The following ROCK1 variants were observed in gnomAD, a reference collection of about 807,000 sequenced individuals.
ROCK1 encodes the protein Rho associated coiled-coil containing protein kinase 1.
In ROCK1, 36 loss-of-function variants were observed where a neutral mutation model predicts 196.8. The observed-to-expected ratio is 0.18, with a 90% CI of 0.14 to 0.24. ROCK1 has a LOEUF of 0.24. Among genes scored for constraint, ROCK1 ranks in the 10% least tolerant of loss-of-function variants. The probability of loss-of-function intolerance (pLI) is 1.00; values close to 1 mark genes in which losing one functional copy is unlikely to be tolerated. For missense variants in ROCK1, 920 were observed against 1,562.0 expected, an observed-to-expected ratio of 0.59 and a Z score of 6.93; for synonymous variants, 443 against 515.9, an observed-to-expected ratio of 0.86 and a Z score of 1.91.
At position 20,958,895 on chromosome 18, in the gene ROCK1, ATT is replaced by A. The variant is rs1459494435; in HGVS notation, c.3512+943_3512+944del. ...ATTATATATATAAATATATATATTT[ATT>A]TATATATATATATTTTATATATTTT... On this transcript the variant is annotated intron_variant, in intron 29 of 32. Transcript: ENST00000399799. 3.7e-3 allele frequency among the ~76,000 whole-genome samples: 258 copies of A among 69,380 alleles called. 1 individual carries two copies. Among genetic ancestry groups the A allele is most frequent in the African/African-American group, 0.014 (238 of 17,310 alleles). 45.5% of individuals were successfully genotyped at this position (69,380 alleles called of 152,430 possible). A position where few individuals can be genotyped will look rare whatever the true frequency, so the allele number is the denominator to read the frequency against.
intron 1 of ROCK1, among the ~76,000 whole-genome samples, chr18:21,101,809 T>C (rs929674645): frequency 1.7e-4 from 26 of 151,300 alleles, no homozygotes; most frequent in African/African-American, 5.8e-4. Flanking sequence ...GAATTAATGA[T>C]ACCAAAGCAC....
chr18:21,069,371 T>C (rs1018182452), intron 2 of ROCK1, among the ~76,000 whole-genome samples: 6 of 152,048 alleles, frequency 3.9e-5, no homozygotes, highest in African/African-American at 1.2e-4. Context: ...TTCTCTGCAT[T>C]TTTCTCCAAT....
At chr18:21,079,658 T>C (rs1055201126) in intron 1 of ROCK1, among the ~76,000 whole-genome samples, 2 of 152,156 alleles carry the variant, frequency 1.3e-5, no homozygotes, top group African/African-American at 4.8e-5. Flanking sequence ...TGTCTTAGAT[T>C]GCTCCTCTGG....
chr18:21,021,520 A>C (rs2035912726), intron 11 of ROCK1, among the ~76,000 whole-genome samples: 1 of 152,232 alleles, frequency 6.6e-6, no homozygotes, highest in African/African-American at 2.4e-5. Flanking sequence ...AGAAGTAGGA[A>C]GCAGTCAGTG....
At chr18:21,041,473 A>G (rs542058970) in intron 8 of ROCK1, among the ~76,000 whole-genome samples, 1 of 152,154 alleles carries the variant, frequency 6.6e-6, no homozygotes, top group South Asian at 2.1e-4. Flanking sequence ...TCAAATTTCA[A>G]AAGTAAACCA....
At chr18:21,110,340 T>C (rs1056405876) in intron 1 of ROCK1, among the ~76,000 whole-genome samples, 1 of 152,178 alleles carries the variant, frequency 6.6e-6, no homozygotes, top group Non-Finnish European at 1.5e-5. Flanking sequence ...CAAAAATCAC[T>C]TCCTCAATAG....
At chr18:21,093,156 T>C (rs2036585045) in intron 1 of ROCK1, among the ~76,000 whole-genome samples, 1 of 152,208 alleles carries the variant, frequency 6.6e-6, no homozygotes, top group East Asian at 1.9e-4. Flanking sequence ...GAGATTCTAT[T>C]TGAAGGTAAG....
intron 1 of ROCK1, among the ~76,000 whole-genome samples, chr18:21,075,010 T>C (rs1349694784): frequency 6.6e-6 from 1 of 151,980 alleles, no homozygotes. Context: ...GAGAAGGAGA[T>C]GAAGGAGAAG....
At chr18:21,089,145 GTTCCCCTGGTTCAAGAAA>G (rs1484097048) in intron 1 of ROCK1, among the ~76,000 whole-genome samples, 1 of 151,944 alleles carries the variant, frequency 6.6e-6, no homozygotes, top group Non-Finnish European at 1.5e-5. Context: ...GGTTCAAGAA[GTTCCCCTGGTTCAAGAAA>G]TTCCCCTGCC....
At chr18:21,009,895 G>T (rs956256455) in intron 13 of ROCK1, among the ~76,000 whole-genome samples, 11 of 151,908 alleles carry the variant, frequency 7.2e-5, no homozygotes, top group African/African-American at 2.4e-4. Context: ...ACTTATATAG[G>T]GCTACTGAAA....
chr18:21,029,611 A>G (rs1362564925), intron 9 of ROCK1, among the ~76,000 whole-genome samples: 2 of 152,176 alleles, frequency 1.3e-5, no homozygotes, highest in African/African-American at 4.8e-5. Flanking sequence ...AGTAATATAA[A>G]AAATGGATAT....
Position 21,015,374 on chromosome 18 carries a change from C to T in ROCK1, c.1410+57G>A. 4.3e-6 allele frequency: 5 copies of T among 1,155,488 alleles called. No individual in the cohort carries two copies. In the South Asian group the frequency reaches 6.5e-5, roughly 15 times the overall value. 71.6% of individuals were successfully genotyped at this position (1,155,488 alleles called of 1,614,324 possible). A position where few individuals can be genotyped will look rare whatever the true frequency, so the allele number is the denominator to read the frequency against. On this transcript the variant is annotated intron_variant, in intron 13 of 32. Transcript: ENST00000399799. ...AATACAATTTTCTCAGGAAACGAAA[C>T]AATTTGAAAGAGGGAAAAATCTCAA...
At chr18:20,959,501 C>A (rs1342535008) in intron 29 of ROCK1, among the ~76,000 whole-genome samples, 31 of 150,536 alleles carry the variant, frequency 2.1e-4, no homozygotes, top group African/African-American at 7.6e-4. Context: ...TGTGAGTCAC[C>A]GCACCCGGCC....
rs111338701 is a variant in ROCK1 at position 20,948,691 on chromosome 18, TAG to T, written c.*2691_*2692del. 2 of 150,844 alleles carry T rather than the reference TAG, an allele frequency of 1.3e-5. No homozygotes were observed. Among genetic ancestry groups the T allele is most frequent in the African/African-American group, 4.9e-5 (2 of 40,586 alleles). 9.3% of individuals were successfully genotyped at this position (150,844 alleles called of 1,614,324 possible). On this transcript the variant is annotated 3_prime_UTR_variant, in exon 33 of 33. Coordinates refer to ENST00000399799, the MANE Select transcript of ROCK1 (RefSeq NM_005406.3). Reference sequence around the variant, plus strand: ...CCTAGTGTGTCCTCCTGTAACAAATTAGAGAGAAAGCTAGAGGCTATATTTCT... The same window carrying T: ...CCTAGTGTGTCCTCCTGTAACAAATTAGAGAAAGCTAGAGGCTATATTTCT...
intron 4 of ROCK1, among the ~76,000 whole-genome samples, chr18:21,045,942 G>T (rs1276799946): frequency 2.7e-5 from 3 of 112,856 alleles, no homozygotes; most frequent in Admixed American, 2.7e-4. Context: ...ACGGAGTCTC[G>T]CTCTGTCGCC....
intron 22 of ROCK1, among the ~76,000 whole-genome samples, chr18:20,971,345 T>TACATACAC (rs1568371122): frequency 1.4e-5 from 2 of 147,544 alleles, no homozygotes; most frequent in East Asian, 2.0e-4. Flanking sequence ...CACACACACA[T>TACATACAC]ACACACAGAA....
chr18:21,096,332 C>G (rs2036612897), intron 1 of ROCK1, among the ~76,000 whole-genome samples: 5 of 152,068 alleles, frequency 3.3e-5, no homozygotes, highest in Admixed American at 3.3e-4. Flanking sequence ...TCCCGAGTGG[C>G]TGGGATTACA....
chr18:21,018,645 T>G (rs955684992), intron 12 of ROCK1, among the ~76,000 whole-genome samples: 3 of 152,176 alleles, frequency 2.0e-5, no homozygotes, highest in Non-Finnish European at 4.4e-5. Context: ...TTCCAAATCC[T>G]GGGGTCAGTT....
chr18:21,064,086 A>T (rs1255595171), intron 2 of ROCK1, among the ~76,000 whole-genome samples: 1 of 152,238 alleles, frequency 6.6e-6, no homozygotes, highest in Non-Finnish European at 1.5e-5. Context: ...TTTGAAAAGA[A>T]AAAACAAGCA....
Sources: gnomAD v4.1 joint callset for allele counts (sites outside exome capture counted in the v4.1 genomes callset) on GRCh38, gnomAD v4.1.1 for gene constraint, MANE v1.5 for transcripts, NCBI Gene and HGNC (gene_info 2026-07-23, HGNC 2026-07-21) for gene names.